The following MANSC1 variants were observed in gnomAD, a reference collection of about 807,000 sequenced individuals.
The protein encoded by MANSC1 is MANSC domain containing 1, also known as MANSC domain-containing protein 1.
In MANSC1, 13 loss-of-function variants were observed where a neutral mutation model predicts 14.1. The observed-to-expected ratio is 0.92, with a 90% CI of 0.60 to 1.46. MANSC1 has a LOEUF of 1.46. Among genes scored for constraint, MANSC1 ranks in the 40% most tolerant of loss-of-function variants. MANSC1 has a pLI of 0.00. For missense variants in MANSC1, 486 were observed against 511.4 expected, an observed-to-expected ratio of 0.95 and a Z score of 0.48; for synonymous variants, 227 against 200.7, an observed-to-expected ratio of 1.13 and a Z score of -1.11.
At position 12,343,383 on chromosome 12, in the gene MANSC1, T is replaced by A; in HGVS notation, c.-69A>T. ...TCCTCCCTCTGGTCTTAGTTTGCTTTAAGAAGGCTGCACAGATGATGAGAT... is the reference window on the plus strand; with the variant it reads ...TCCTCCCTCTGGTCTTAGTTTGCTTAAAGAAGGCTGCACAGATGATGAGAT... On this transcript the variant is annotated 5_prime_UTR_variant, in exon 2 of 4. An upstream open reading frame in the 5' UTR loses its in-frame stop. Coordinates refer to ENST00000535902, the MANE Select transcript of MANSC1 (RefSeq NM_018050.4). 1.8e-6 allele frequency: 2 copies of A among 1,085,236 alleles called. No homozygotes were observed. The highest frequency in any genetic ancestry group is 2.8e-6 in the Non-Finnish European group (2 of 720,162). 67.2% of individuals were successfully genotyped at this position (1,085,236 alleles called of 1,614,324 possible). A position where few individuals can be genotyped will look rare whatever the true frequency, so the allele number is the denominator to read the frequency against.
chr12:12,332,146 T>C (rs1339172133), intron 3 of MANSC1, among the ~76,000 whole-genome samples: 1 of 152,220 alleles, frequency 6.6e-6, no homozygotes, highest in Non-Finnish European at 1.5e-5. Flanking sequence ...TGTATCACTC[T>C]GCTGCTAGGC....
intron 3 of MANSC1, among the ~76,000 whole-genome samples, chr12:12,337,754 A>G (rs577312462): frequency 2.4e-4 from 36 of 152,240 alleles, no homozygotes; most frequent in Non-Finnish European, 4.1e-4. Flanking sequence ...TGAAAAATTA[A>G]CAAGCCAAAG....
chr12:12,339,868 A>C (rs768201663), intron 2 of MANSC1, among the ~76,000 whole-genome samples: 18 of 152,056 alleles, frequency 1.2e-4, no homozygotes, highest in Middle Eastern at 6.8e-3. Flanking sequence ...GCTGCAGTGC[A>C]GTGGAACAAT....
chr12:12,329,914 G>GC lies in MANSC1; in HGVS notation c.*112dup. On this transcript the variant is annotated 3_prime_UTR_variant, in exon 4 of 4. Coordinates refer to ENST00000535902, the MANE Select transcript of MANSC1 (RefSeq NM_018050.4). The stretch of plus-strand genomic sequence containing the variant: ...AAAAAAAAAAGGAAAGCAGAAGGGG[G>GC]CATTTTCCTGTCTTCAAAATACAAC... 3 of 849,840 alleles carry GC rather than the reference G, an allele frequency of 3.5e-6. No homozygotes were observed. Among genetic ancestry groups the GC allele is most frequent in the Non-Finnish European group, 5.3e-6 (3 of 561,654 alleles). The allele number at this position is 849,840 out of a possible 1,614,324, so 52.6% of individuals were successfully genotyped here. A position where few individuals can be genotyped will look rare whatever the true frequency, so the allele number is the denominator to read the frequency against.
At chr12:12,348,493 C>A (rs958486231) in intron 1 of MANSC1, among the ~76,000 whole-genome samples, 9 of 152,086 alleles carry the variant, frequency 5.9e-5, no homozygotes, top group African/African-American at 2.2e-4. Context: ...CTAAAAAAGG[C>A]AAACTACAGC....
intron 3 of MANSC1, among the ~76,000 whole-genome samples, chr12:12,333,748 C>T (rs567314463): frequency 6.6e-6 from 1 of 152,316 alleles, no homozygotes; most frequent in Non-Finnish European, 1.5e-5. Context: ...CTGACTATTA[C>T]TGGGACCCCA....
At chr12:12,339,621 C>T (rs1404239703) in intron 2 of MANSC1, among the ~76,000 whole-genome samples, 1 of 152,100 alleles carries the variant, frequency 6.6e-6, no homozygotes, top group Non-Finnish European at 1.5e-5. Flanking sequence ...TGAGTGGAGT[C>T]AGTAAATTAT....
At chr12:12,331,445 G>A (rs750613423) in intron 3 of MANSC1, among the ~76,000 whole-genome samples, 49 of 152,158 alleles carry the variant, frequency 3.2e-4, no homozygotes, top group Admixed American at 1.1e-3. Context: ...AGGGTTCTCC[G>A]TCTTCCTAAG....
At chr12:12,331,390 G>A (rs780693320) in intron 3 of MANSC1, among the ~76,000 whole-genome samples, 4 of 152,190 alleles carry the variant, frequency 2.6e-5, no homozygotes, top group Non-Finnish European at 4.4e-5. Flanking sequence ...CAGCAGAGAA[G>A]CCGGAGGGGC....
In MANSC1 at chr12:12,333,043, A is replaced by AT. The variant is rs1367216443; in HGVS notation, c.365-2086_365-2085insA. 1.4e-3 allele frequency among the ~76,000 whole-genome samples: 209 copies of AT among 150,342 alleles called. 1 individual carries two copies. The highest frequency in any genetic ancestry group is 4.9e-3 in the African/African-American group (201 of 40,980). ...TTTGGGTCAAATGAAATATATTTGA[A>AT]AATATATATATATATATTTTTGAGA... On this transcript the variant is annotated intron_variant, in intron 3 of 3. Transcript: ENST00000535902.
In MANSC1 at chr12:12,343,198, A is replaced by T. The variant is rs1416394467; in HGVS notation, c.117T>A (p.Ile39=). Residue 39 remains isoleucine, a synonymous_variant, in exon 2 of 4, where the codon ATT becomes ATA. Coordinates refer to ENST00000535902, the MANE Select transcript of MANSC1 (RefSeq NM_018050.4). ...CCTTAGAAAGAGATGACTGGATGTC[A>T]ATGACAACATCTTCTAGACTCTTTT... ...CLKKSLEDVV[I]DIQSSLSKGI... The T allele has an allele frequency of 5.6e-6, 9 of 1,613,782 alleles. No individual in the cohort carries two copies. In the East Asian group the frequency reaches 2.0e-4, roughly 36 times the overall value.
chr12:12,343,005 A>C (rs990857724), intron 2 of MANSC1, 87 bp downstream of exon 2: 2 of 906,814 alleles, frequency 2.2e-6, no homozygotes, highest in Non-Finnish European at 3.6e-6. Flanking sequence ...GTCGAGAATC[A>C]CTGGTATAAG....
intron 1 of MANSC1, among the ~76,000 whole-genome samples, chr12:12,344,626 C>A (rs551398170): frequency 6.6e-6 from 1 of 151,666 alleles, no homozygotes; most frequent in South Asian, 2.1e-4. Flanking sequence ...CATGCCACCA[C>A]GCCCGGCTGG....
chr12:12,330,743 G>A lies in MANSC1; in HGVS notation c.580C>T (p.Gln194Ter). Reference sequence around the variant, plus strand: ...CCTTTTTCCTTATAAGCAAGGAGCTGGGCACTTGCTTCATCCATCTTAAAT... The same window carrying A: ...CCTTTTTCCTTATAAGCAAGGAGCTAGGCACTTGCTTCATCCATCTTAAAT... ...KLFKMDEASA[Q>*]LLAYKEKGHS... is the part of the protein sequence containing the mutation. Residue 194 changes from glutamine to a stop codon, truncating the protein, a stop_gained, in exon 4 of 4, where the codon CAG (glutamine) becomes TAG (stop). Transcript: ENST00000535902. LOFTEE classifies it low-confidence loss of function (END_TRUNC). The A allele has an allele frequency of 6.2e-7, 1 of 1,613,866 alleles. No homozygotes were observed. The highest frequency in any genetic ancestry group is 1.1e-5 in the South Asian group (1 of 91,076).
chr12:12,330,132 C>G lies in MANSC1; in HGVS notation c.1191G>C (p.Leu397=), dbSNP rs777532444. ...TACCCAGGAGGACGAGGCCTATCAC[C>G]AGGAACAGGACACCAAAGAGCAGGG... is the stretch of plus-strand genomic sequence containing the variant. ...IGSLLFGVLF[L]VIGLVLLGRI... The change falls in exon 4 of 4, where the codon CTG becomes CTC. Residue 397 remains leucine, a synonymous_variant. Coordinates refer to ENST00000535902, the MANE Select transcript of MANSC1 (RefSeq NM_018050.4). 6.2e-7 allele frequency: 1 copy of G among 1,614,128 alleles called. No homozygotes were observed. The highest frequency in any genetic ancestry group is 1.1e-5 in the South Asian group (1 of 91,084).
chr12:12,337,933 C>T (rs1862879782), intron 3 of MANSC1, among the ~76,000 whole-genome samples: 1 of 152,120 alleles, frequency 6.6e-6, no homozygotes, highest in South Asian at 2.1e-4. Flanking sequence ...ATTTCCTTTC[C>T]AGTCTAGACA....
chr12:12,347,466 C>T (rs1169640972), intron 1 of MANSC1, among the ~76,000 whole-genome samples: 1 of 152,204 alleles, frequency 6.6e-6, no homozygotes, highest in Non-Finnish European at 1.5e-5. Context: ...TGCTGTGTGG[C>T]CCATTTCCTA....
In MANSC1 at chr12:12,330,274, G is replaced by C. The variant is rs754057612; in HGVS notation, c.1049C>G (p.Thr350Ser). Reference protein sequence around the residue: ...ALSMSNVESSTMNKTASWEGR... With the variant: ...ALSMSNVESSSMNKTASWEGR... ...TTCCCAGGAAGCAGTTTTATTCATAGTGGAAGACTCCACATTTGACATAGA... is the reference window on the plus strand; with the variant it reads ...TTCCCAGGAAGCAGTTTTATTCATACTGGAAGACTCCACATTTGACATAGA... The change falls in exon 4 of 4, where the codon ACT becomes AGT. Residue 350 changes from threonine to serine, a missense_variant. By Grantham distance (58) the Thr-to-Ser change is moderately conservative. Coordinates refer to ENST00000535902, the MANE Select transcript of MANSC1 (RefSeq NM_018050.4). The C allele has an allele frequency of 1.5e-4, 246 of 1,614,094 alleles. No individual in the cohort carries two copies. Among genetic ancestry groups the C allele is most frequent in the Non-Finnish European group, 1.9e-4 (228 of 1,180,046 alleles).
rs968121440 is a variant in MANSC1 at position 12,329,593 on chromosome 12, A to C, written c.*434T>G. On this transcript the variant is annotated 3_prime_UTR_variant, in exon 4 of 4. Transcript: ENST00000535902. ...CATTCCTTCTCAAAAACCAAACATA[A>C]AACAGAAGGGGGCCAGCTGTGGTGG... 3 of 155,422 alleles carry C rather than the reference A, an allele frequency of 1.9e-5. No homozygotes were observed. Among genetic ancestry groups the C allele is most frequent in the African/African-American group, 7.2e-5 (3 of 41,492 alleles). 9.6% of individuals were successfully genotyped at this position (155,422 alleles called of 1,614,324 possible).
Sources: allele counts gnomAD v4.1 joint callset (sites outside exome capture counted in the v4.1 genomes callset), GRCh38; gene constraint gnomAD v4.1.1; transcripts MANE v1.5; gene names NCBI Gene and HGNC (gene_info 2026-07-23, HGNC 2026-07-21).